The following SMARCA2 variants were observed in gnomAD, a reference collection of about 807,000 sequenced individuals.
SMARCA2 encodes SWI/SNF related BAF chromatin remodeling complex subunit ATPase 2.
In SMARCA2, 61 loss-of-function variants were observed where a neutral mutation model predicts 199.8. The ratio of observed to expected loss-of-function variants is 0.31; its 90% CI spans 0.25 to 0.38. The LOEUF (loss-of-function observed/expected upper bound fraction) is 0.38, where lower values mean the gene tolerates loss of function less well. SMARCA2 is among the 10% of genes least tolerant of loss of function. The probability of loss-of-function intolerance (pLI) is 1.00; values close to 1 mark genes in which losing one functional copy is unlikely to be tolerated. For missense variants in SMARCA2, 1,344 were observed against 2,012.2 expected (o/e 0.67, Z 6.35); for synonymous variants, 935 against 732.0 (o/e 1.28, Z -4.48).
intron 9 of SMARCA2, among the ~76,000 whole-genome samples, chr9:2,069,849 A>G (rs1166518854): frequency 6.6e-6 from 1 of 152,140 alleles, no homozygotes; most frequent in Non-Finnish European, 1.5e-5. Flanking sequence ...ATATTGCATG[A>G]TGCTGAGGTT....
At chr9:2,025,888 G>T (rs1484597467) in intron 1 of SMARCA2, among the ~76,000 whole-genome samples, 1 of 152,148 alleles carries the variant, frequency 6.6e-6, no homozygotes, top group African/African-American at 2.4e-5. Context: ...TTGGGTGATG[G>T]TAGCCACAGC....
At chr9:2,187,579 G>A (rs1820261078) in intron 32 of SMARCA2, among the ~76,000 whole-genome samples, 2 of 152,086 alleles carry the variant, frequency 1.3e-5, no homozygotes, top group East Asian at 1.9e-4. Context: ...TCAGGAAGCT[G>A]AGGCAGGAGG....
chr9:2,073,138 C>T, intron 10 of SMARCA2, 74 bp from the exon 11 acceptor site: 2 of 1,548,098 alleles, frequency 1.3e-6, no homozygotes, highest in Non-Finnish European at 1.7e-6. Flanking sequence ...GCAAAAACTG[C>T]TGAGAAACGT....
At position 2,017,114 on chromosome 9, in the gene SMARCA2, C is replaced by G. The variant is rs890461162; in HGVS notation, c.-37+1710C>G. ...TCCGGTACACGCGGGGAAATCGCCT[C>G]CTGCCAGTGTCTGATCGCTCGCCTC... On this transcript the variant is annotated intron_variant, in intron 1 of 33. Coordinates refer to ENST00000349721, the MANE Select transcript of SMARCA2 (RefSeq NM_003070.5). The surrounding 1 kb of genome is among the most constrained non-coding windows in gnomAD (Gnocchi z 8.8). 5.3e-5 allele frequency: 8 copies of G among 152,344 alleles called. No homozygotes were observed. The highest frequency in any genetic ancestry group is 1.9e-4 in the African/African-American group (8 of 41,446). The allele number at this position is 152,344 out of a possible 1,614,324, so 9.4% of individuals were successfully genotyped here.
At chr9:2,095,011 G>A (rs952125964) in intron 19 of SMARCA2, among the ~76,000 whole-genome samples, 1 of 151,708 alleles carries the variant, frequency 6.6e-6, no homozygotes, top group South Asian at 2.1e-4. Context: ...TACACAATAT[G>A]TATTTGTATA....
chr9:2,089,409 A>C (rs1328657211), intron 19 of SMARCA2, among the ~76,000 whole-genome samples: 1 of 152,128 alleles, frequency 6.6e-6, no homozygotes. Flanking sequence ...TTTTCTTTAG[A>C]AGAGCCAATT....
At chr9:2,153,054 A>C (rs987145743) in intron 27 of SMARCA2, among the ~76,000 whole-genome samples, 8 of 151,978 alleles carry the variant, frequency 5.3e-5, no homozygotes, top group Admixed American at 3.9e-4. Flanking sequence ...AATGGCAAAA[A>C]CAAACAAACA....
chr9:2,129,573 C>T (rs1422732900), intron 27 of SMARCA2, among the ~76,000 whole-genome samples: 1 of 152,122 alleles, frequency 6.6e-6, no homozygotes, highest in African/African-American at 2.4e-5. Context: ...CCTTGATGTC[C>T]AGAGTTTTCA....
intron 23 of SMARCA2, among the ~76,000 whole-genome samples, chr9:2,108,159 G>C (rs1426453095): frequency 6.6e-6 from 1 of 152,284 alleles, no homozygotes; most frequent in East Asian, 1.9e-4. Context: ...GCCATCTCTT[G>C]GGCACTTGCG....
chr9:2,059,651 ACT>A (rs1178464831), intron 8 of SMARCA2, among the ~76,000 whole-genome samples: 2 of 152,144 alleles, frequency 1.3e-5, no homozygotes, highest in African/African-American at 4.8e-5. Flanking sequence ...GTTTTTTATC[ACT>A]CTTTCTTCAA....
intron 27 of SMARCA2, chr9:2,160,433 G>T: frequency 1.9e-6 from 1 of 521,086 alleles, no homozygotes; most frequent in Non-Finnish European, 3.4e-6. Context: ...AAATCCCACT[G>T]GCATTTTTAA....
intron 1 of SMARCA2, among the ~76,000 whole-genome samples, chr9:2,020,776 A>G (rs1267198916): frequency 1.3e-5 from 2 of 152,186 alleles, no homozygotes; most frequent in Non-Finnish European, 2.9e-5. Flanking sequence ...TACCTCAGAA[A>G]AACATACAAT....
chr9:2,087,137 G>C, intron 18 of SMARCA2, 66 bp downstream of exon 18: 1 of 1,580,508 alleles, frequency 6.3e-7, no homozygotes, highest in South Asian at 1.1e-5. Context: ...CCCTAAAGCT[G>C]AGAACATTAG....
intron 1 of SMARCA2, among the ~76,000 whole-genome samples, chr9:2,028,016 A>T (rs757072335): frequency 1.3e-5 from 2 of 152,212 alleles, no homozygotes; most frequent in Non-Finnish European, 2.9e-5. Flanking sequence ...GGCATTTCCA[A>T]TGGGGATGCC....
At chr9:2,068,229 A>G (rs1223460074) in intron 9 of SMARCA2, among the ~76,000 whole-genome samples, 1 of 152,186 alleles carries the variant, frequency 6.6e-6, no homozygotes, top group Non-Finnish European at 1.5e-5. Flanking sequence ...ACTAGCTTAG[A>G]TGTAGAGCCT....
intron 27 of SMARCA2, among the ~76,000 whole-genome samples, chr9:2,131,838 G>C (rs1334777218): frequency 1.3e-5 from 2 of 151,692 alleles, no homozygotes; most frequent in Admixed American, 1.3e-4. Flanking sequence ...TACTCGGGAG[G>C]CTGAGGCAGG....
intron 29 of SMARCA2, among the ~76,000 whole-genome samples, chr9:2,176,183 T>G (rs940119078): frequency 3.4e-5 from 3 of 88,452 alleles, no homozygotes; most frequent in Non-Finnish European, 6.1e-5. Context: ...GCCCGGCCTG[T>G]TTTTTTTTTT....
intron 27 of SMARCA2, among the ~76,000 whole-genome samples, chr9:2,147,912 C>T (rs1447710745): frequency 6.6e-6 from 1 of 151,398 alleles, no homozygotes; most frequent in Non-Finnish European, 1.5e-5. Flanking sequence ...TCATTGCAGC[C>T]TCCCTCAAAC....
At chr9:2,189,916 C>T (rs1024633755) in intron 32 of SMARCA2, among the ~76,000 whole-genome samples, 3 of 152,136 alleles carry the variant, frequency 2.0e-5, no homozygotes, top group Non-Finnish European at 4.4e-5. Flanking sequence ...CAAACACTCT[C>T]ATCTCCTTCT....
Sources: gnomAD v4.1 joint callset for allele counts (sites outside exome capture counted in the v4.1 genomes callset) on GRCh38, gnomAD v4.1.1 for gene constraint, Gnocchi (gnomAD v3.1) non-coding constraint, MANE v1.5 for transcripts, NCBI Gene and HGNC (gene_info 2026-07-23, HGNC 2026-07-21) for gene names.